Variants in LRP1B observed in about 807,000 individuals in gnomAD.
The protein encoded by LRP1B is low-density lipoprotein receptor-related protein 1B.
A neutral mutation model predicts 556.6 loss-of-function variants in LRP1B; 217 were observed. The ratio of observed to expected loss-of-function variants is 0.39; its 90% CI spans 0.35 to 0.44. The LOEUF is 0.44. Among genes scored for constraint, LRP1B ranks in the 20% least tolerant of loss-of-function variants. The probability of loss-of-function intolerance (pLI) is 1.00; values close to 1 mark genes in which losing one functional copy is unlikely to be tolerated. For synonymous variants in LRP1B, 2,047 were observed against 1,865.8 expected (o/e 1.10, Z -2.50); for missense variants, 5,053 against 5,620.8 (o/e 0.90, Z 3.23).
chr2:141,969,427 C>T (rs181008403), intron 1 of LRP1B, among the ~76,000 whole-genome samples: 5 of 151,562 alleles, frequency 3.3e-5, no homozygotes, highest in East Asian at 3.9e-4. Flanking sequence ...CCCCACCTCC[C>T]GCCACCCTCT....
At chr2:141,992,665 G>T (rs147319845) in intron 1 of LRP1B, among the ~76,000 whole-genome samples, 1 of 152,088 alleles carries the variant, frequency 6.6e-6, no homozygotes. Context: ...CATTCTGCCC[G>T]GTGTGGGAAA....
chr2:140,544,555 T>C (rs937908657), intron 43 of LRP1B, among the ~76,000 whole-genome samples: 8 of 152,128 alleles, frequency 5.3e-5, no homozygotes, highest in Non-Finnish European at 1.2e-4. Flanking sequence ...CTTCCAATTA[T>C]AAGTGAGAAC....
At chr2:141,191,453 T>G (rs547029857) in intron 6 of LRP1B, among the ~76,000 whole-genome samples, 3 of 151,936 alleles carry the variant, frequency 2.0e-5, no homozygotes, top group African/African-American at 4.8e-5. Flanking sequence ...AAGACTAACA[T>G]AGACATATGT....
rs189990066 is a variant in LRP1B, at chr2:140,873,619, G to A, written c.4170-5356C>T. Among the ~76,000 whole-genome samples, 316 of 152,056 alleles carry A rather than the reference G, an allele frequency of 2.1e-3. 2 individuals are homozygous for A. The highest frequency in any genetic ancestry group is 3.4e-3 in the Non-Finnish European group (233 of 67,924). ...TGGTAGTTCCATAATTTTAAATGAT[G>A]ACTAGCACAGTTTTTATAAATAATG... On this transcript the variant is annotated intron_variant, in intron 25 of 90. Coordinates refer to ENST00000389484, the MANE Select transcript of LRP1B (RefSeq NM_018557.3).
At chr2:141,761,045 C>T (rs1694527229) in intron 2 of LRP1B, among the ~76,000 whole-genome samples, 1 of 152,094 alleles carries the variant, frequency 6.6e-6, no homozygotes, top group Non-Finnish European at 1.5e-5. Flanking sequence ...ACTGAGTGAT[C>T]CTGAAATCTG....
intron 1 of LRP1B, among the ~76,000 whole-genome samples, chr2:141,932,061 C>A (rs1006902769): frequency 6.6e-6 from 1 of 151,966 alleles, no homozygotes; most frequent in East Asian, 1.9e-4. Flanking sequence ...TAGGAAGAGT[C>A]CAGTAAGGGG....
At chr2:140,376,631 G>A (rs1266361221) in intron 68 of LRP1B, among the ~76,000 whole-genome samples, 1 of 152,152 alleles carries the variant, frequency 6.6e-6, no homozygotes, top group Non-Finnish European at 1.5e-5. Context: ...TAGAAGCAGT[G>A]TATTTTTCAA....
intron 49 of LRP1B, among the ~76,000 whole-genome samples, chr2:140,523,669 G>A (rs149192777): frequency 6.6e-6 from 1 of 151,964 alleles, no homozygotes; most frequent in Non-Finnish European, 1.5e-5. Flanking sequence ...TCATAATCAA[G>A]TTTAGTGAAG....
intron 3 of LRP1B, among the ~76,000 whole-genome samples, chr2:141,443,548 T>A (rs1301648893): frequency 1.3e-5 from 2 of 152,212 alleles, no homozygotes; most frequent in African/African-American, 4.8e-5. Flanking sequence ...CTTCTAGGGT[T>A]TTTATGGTTT....
At chr2:140,243,633 A>G (rs1288186015) in intron 87 of LRP1B, among the ~76,000 whole-genome samples, 1 of 151,162 alleles carries the variant, frequency 6.6e-6, no homozygotes, top group Admixed American at 6.6e-5. Context: ...TGTAAAGAAA[A>G]TATGTTCCCA....
At chr2:140,656,841 C>A (rs1335486204) in intron 41 of LRP1B, among the ~76,000 whole-genome samples, 1 of 152,064 alleles carries the variant, frequency 6.6e-6, no homozygotes, top group East Asian at 1.9e-4. Context: ...ACTGACAAAA[C>A]CACAAAAGCA....
At chr2:141,789,122 A>G (rs993166470) in intron 2 of LRP1B, among the ~76,000 whole-genome samples, 31 of 152,004 alleles carry the variant, frequency 2.0e-4, no homozygotes, top group Admixed American at 2.0e-3. Flanking sequence ...GACTTCCACA[A>G]TGGTTGAACT....
intron 2 of LRP1B, among the ~76,000 whole-genome samples, chr2:141,701,545 G>T (rs1425277760): frequency 6.6e-6 from 1 of 151,714 alleles, no homozygotes; most frequent in Non-Finnish European, 1.5e-5. Flanking sequence ...AGATGTCCTT[G>T]GGAAAGCACA....
rs147155546 is a variant in LRP1B, at chr2:140,399,236, T to A, written c.10415-13227A>T. Among the ~76,000 whole-genome samples the A allele has an allele frequency of 2.3e-4, 34 of 151,028 alleles. 3 individuals carry two copies. The highest frequency in any genetic ancestry group is 6.6e-4 in the African/African-American group (27 of 40,920). On this transcript the variant is annotated intron_variant, in intron 66 of 90. Coordinates refer to ENST00000389484, the MANE Select transcript of LRP1B (RefSeq NM_018557.3). ...AGATTTTCAGGATATTTGATATTTT[T>A]AAATTTTCTCATTAAAATACATTTA...
intron 1 of LRP1B, among the ~76,000 whole-genome samples, chr2:141,828,866 TA>T (rs138193487): frequency 0.013 from 1,994 of 151,390 alleles, 54 homozygotes; most frequent in African/African-American, 0.045. Flanking sequence ...GCTATGAAAT[TA>T]AAAAAAAATT....
intron 31 of LRP1B, among the ~76,000 whole-genome samples, chr2:140,818,516 T>C (rs938178840): frequency 1.3e-5 from 2 of 152,272 alleles, no homozygotes; most frequent in East Asian, 3.9e-4. Flanking sequence ...GGCAGAACTG[T>C]TTTGGAAACA....
At chr2:141,814,333 C>A (rs1696460365) in intron 1 of LRP1B, among the ~76,000 whole-genome samples, 1 of 152,140 alleles carries the variant, frequency 6.6e-6, no homozygotes, top group East Asian at 1.9e-4. Context: ...TGAAGGAGTT[C>A]TACCGAGGAC....
At chr2:140,314,394 A>C (rs1684430219) in intron 83 of LRP1B, among the ~76,000 whole-genome samples, 1 of 152,082 alleles carries the variant, frequency 6.6e-6, no homozygotes, top group Middle Eastern at 3.2e-3. Context: ...TATTGCATAA[A>C]TTAATAATAA....
chr2:141,381,750 G>GAAAAC lies in LRP1B; in HGVS notation c.343+98641_343+98645dup, dbSNP rs563760245. Among the ~76,000 whole-genome samples, 34 of 152,174 alleles carry GAAAAC rather than the reference G, an allele frequency of 2.2e-4. 1 individual carries two copies. In the South Asian group the frequency reaches 6.6e-3, roughly 30 times the overall value. On this transcript the variant is annotated intron_variant, in intron 3 of 90. Coordinates refer to ENST00000389484, the MANE Select transcript of LRP1B (RefSeq NM_018557.3). ...GTAGGATAATATACTCAGAGTCCTG[G>GAAAAC]AAAACAAAACAAAACAAAACAAAAA...
Sources: gnomAD v4.1 joint callset for allele counts (sites outside exome capture counted in the v4.1 genomes callset) on GRCh38, gnomAD v4.1.1 for gene constraint, MANE v1.5 for transcripts, NCBI Gene and HGNC (gene_info 2026-07-23, HGNC 2026-07-21) for gene names.